NDST4: variants seen among roughly 807,000 people sequenced by gnomAD.
NDST4 encodes N-heparan sulfate sulfotransferase 4.
A neutral mutation model predicts 100.8 loss-of-function variants in NDST4; 63 were observed. The observed-to-expected ratio is 0.62, with a 90% CI of 0.51 to 0.77. The LOEUF (loss-of-function observed/expected upper bound fraction) is 0.77. NDST4 is among the 30% of genes least tolerant of loss of function. The pLI is 0.00. For missense variants in NDST4, 943 were observed against 1,018.4 expected, an observed-to-expected ratio of 0.93 and a Z score of 1.01; for synonymous variants, 377 against 361.8, an observed-to-expected ratio of 1.04 and a Z score of -0.48.
At chr4:114,962,342 A>C (rs1327307435) in intron 4 of NDST4, among the ~76,000 whole-genome samples, 2 of 136,488 alleles carry the variant, frequency 1.5e-5, no homozygotes. Flanking sequence ...AAATATAGCC[A>C]GATTGAGGAT....
intron 7 of NDST4, among the ~76,000 whole-genome samples, chr4:114,854,088 C>T (rs932142525): frequency 6.6e-6 from 1 of 152,024 alleles, no homozygotes; most frequent in Non-Finnish European, 1.5e-5. Context: ...ATTTTTGCAC[C>T]CATTAACGAT....
chr4:115,072,927 T>A (rs1278322814), intron 2 of NDST4, among the ~76,000 whole-genome samples: 2 of 151,978 alleles, frequency 1.3e-5, no homozygotes, highest in African/African-American at 2.4e-5. Flanking sequence ...AAACTATACA[T>A]CTGGTAAGAG....
At chr4:114,848,998 A>T (rs1200840248) in intron 8 of NDST4, among the ~76,000 whole-genome samples, 1 of 152,224 alleles carries the variant, frequency 6.6e-6, no homozygotes, top group Non-Finnish European at 1.5e-5. Flanking sequence ...TCTAGGAGGA[A>T]GTGTATTCTA....
At chr4:115,042,117 T>C (rs991620014) in intron 2 of NDST4, among the ~76,000 whole-genome samples, 1 of 152,142 alleles carries the variant, frequency 6.6e-6, no homozygotes, top group African/African-American at 2.4e-5. Context: ...TATTAATAAA[T>C]GGAAAATTTC....
intron 7 of NDST4, among the ~76,000 whole-genome samples, chr4:114,864,699 G>A (rs1328317704): frequency 6.6e-6 from 1 of 152,082 alleles, no homozygotes; most frequent in East Asian, 1.9e-4. Context: ...AGTGTTCCTC[G>A]TGTGAGTACA....
intron 6 of NDST4, among the ~76,000 whole-genome samples, chr4:114,899,749 A>C (rs921813442): frequency 6.6e-6 from 1 of 152,008 alleles, no homozygotes; most frequent in Non-Finnish European, 1.5e-5. Context: ...TTTTGCTGAT[A>C]ATTTTTACAT....
At chr4:114,974,718 T>C (rs1726591447) in intron 3 of NDST4, among the ~76,000 whole-genome samples, 1 of 152,122 alleles carries the variant, frequency 6.6e-6, no homozygotes, top group African/African-American at 2.4e-5. Flanking sequence ...CACCTGTGGG[T>C]GAATGACTTT....
intron 2 of NDST4, among the ~76,000 whole-genome samples, chr4:115,029,075 G>C (rs918766137): frequency 2.6e-5 from 4 of 152,094 alleles, no homozygotes; most frequent in African/African-American, 9.7e-5. Flanking sequence ...CTTCAGTCAA[G>C]AAACTTAGTC....
intron 1 of NDST4, among the ~76,000 whole-genome samples, chr4:115,098,819 C>G (rs1729672770): frequency 6.6e-6 from 1 of 152,152 alleles, no homozygotes; most frequent in African/African-American, 2.4e-5. Flanking sequence ...CCCACCGCAG[C>G]CTTCTGCATA....
intron 2 of NDST4, among the ~76,000 whole-genome samples, chr4:115,043,122 A>G (rs1728389256): frequency 6.6e-6 from 1 of 152,106 alleles, no homozygotes; most frequent in African/African-American, 2.4e-5. Context: ...ATAGTCATTC[A>G]GTTTTAAAAT....
At chr4:115,013,378 C>CAT (rs1727602809) in intron 2 of NDST4, among the ~76,000 whole-genome samples, 13 of 36,320 alleles carry the variant, frequency 3.6e-4, no homozygotes, top group Admixed American at 1.0e-3. Flanking sequence ...TATACACACA[C>CAT]ATACATACCT....
At chr4:115,046,746 G>A (rs529128037) in intron 2 of NDST4, among the ~76,000 whole-genome samples, 9 of 152,112 alleles carry the variant, frequency 5.9e-5, no homozygotes, top group African/African-American at 2.2e-4. Context: ...TGTTTATTCA[G>A]GAATTTGAAG....
At chr4:114,987,566 A>T (rs963308667) in intron 2 of NDST4, among the ~76,000 whole-genome samples, 2 of 152,194 alleles carry the variant, frequency 1.3e-5, no homozygotes, top group African/African-American at 4.8e-5. Flanking sequence ...TCTTTACCAC[A>T]GACAAGTGGT....
At chr4:114,977,411 T>C (rs190524906) in intron 2 of NDST4, 137 bp from the exon 3 acceptor site, 37 of 481,954 alleles carry the variant, frequency 7.7e-5, no homozygotes, top group Middle Eastern at 1.1e-3. Flanking sequence ...TGTTATGTAG[T>C]ATTCGTATTT....
In NDST4 at chr4:115,076,520, G is replaced by T. The variant is rs756033790; in HGVS notation, c.517C>A (p.Pro173Thr). ...GFHKANENSL[P>T]STQLKGFPLN... ...GGAAAGCCTTTTAATTGTGTACTTG[G>T]TAAGCTGTTCTCATTGGCTTTATGA... Residue 173 changes from proline to threonine, a missense_variant, in exon 2 of 14, where the codon CCA becomes ACA. Physicochemically the swap from Pro to Thr is conservative, Grantham distance 38. Coordinates refer to ENST00000264363, the MANE Select transcript of NDST4 (RefSeq NM_022569.3). 1.2e-6 allele frequency: 2 copies of T among 1,613,916 alleles called. No homozygotes were observed. Among genetic ancestry groups the T allele is most frequent in the South Asian group, 1.1e-5 (1 of 91,074 alleles).
chr4:115,071,040 G>A (rs1298493956), intron 2 of NDST4, among the ~76,000 whole-genome samples: 3 of 151,938 alleles, frequency 2.0e-5, no homozygotes, highest in African/African-American at 7.3e-5. Context: ...AGGAGGTGGA[G>A]GTTGTAATGA....
chr4:115,054,336 T>G (rs1578485610), intron 2 of NDST4, among the ~76,000 whole-genome samples: 1 of 152,204 alleles, frequency 6.6e-6, no homozygotes, highest in South Asian at 2.1e-4. Context: ...AGAAACTAGC[T>G]GAACTGAATT....
chr4:114,934,540 C>T (rs190172422), intron 6 of NDST4, among the ~76,000 whole-genome samples: 72 of 143,430 alleles, frequency 5.0e-4, no homozygotes, highest in African/African-American at 1.9e-3. Flanking sequence ...GGCAACAGAG[C>T]GAGACTGCCT....
intron 2 of NDST4, among the ~76,000 whole-genome samples, chr4:114,992,058 G>T (rs1180744844): frequency 6.6e-6 from 1 of 151,646 alleles, no homozygotes; most frequent in Admixed American, 6.6e-5. Context: ...CCCATATACC[G>T]AATACTTATT....
Sources: gnomAD v4.1 joint callset for allele counts (sites outside exome capture counted in the v4.1 genomes callset) on GRCh38, gnomAD v4.1.1 for gene constraint, MANE v1.5 for transcripts, NCBI Gene and HGNC (gene_info 2026-07-23, HGNC 2026-07-21) for gene names.